RIMS2: variants seen among roughly 807,000 people sequenced by gnomAD.
RIMS2 encodes the protein regulating synaptic membrane exocytosis 2, also known as regulating synaptic membrane exocytosis protein 2.
RIMS2 carries 59 observed loss-of-function variants against 174.4 expected under a neutral mutation model. The ratio of observed to expected loss-of-function variants is 0.34; its 90% confidence interval spans 0.27 to 0.42. The LOEUF is 0.42. Among genes scored for constraint, RIMS2 ranks in the 10% least tolerant of loss-of-function variants. The pLI, the probability that RIMS2 is intolerant of heterozygous loss-of-function variation, is 1.00. For synonymous variants in RIMS2, 606 were observed against 572.5 expected (o/e 1.06, Z -0.84); for missense variants, 1,620 against 1,666.3 (o/e 0.97, Z 0.48).
At chr8:104,173,076 A>G (rs56408627) in intron 19 of RIMS2, among the ~76,000 whole-genome samples, 4,316 of 152,292 alleles carry the variant, frequency 0.028, 193 homozygotes, top group African/African-American at 0.092. Context: ...GTCTCTGCAT[A>G]AAATTACAAT....
At chr8:103,869,671 C>T (rs776126850) in intron 3 of RIMS2, among the ~76,000 whole-genome samples, 9 of 152,104 alleles carry the variant, frequency 5.9e-5, no homozygotes, top group Non-Finnish European at 1.2e-4. Flanking sequence ...CGAGGCAGGA[C>T]ACAAACCTTG....
chr8:103,915,202 A>G (rs2076430871), intron 6 of RIMS2, among the ~76,000 whole-genome samples: 1 of 152,090 alleles, frequency 6.6e-6, no homozygotes, highest in South Asian at 2.1e-4. Flanking sequence ...TGACAAAAGC[A>G]AGAATTCCTG....
At chr8:103,889,216 G>T (rs1187084271) in intron 4 of RIMS2, among the ~76,000 whole-genome samples, 1 of 151,702 alleles carries the variant, frequency 6.6e-6, no homozygotes, top group Non-Finnish European at 1.5e-5. Context: ...AATAGTTAAA[G>T]AAATTTTGTT....
chr8:103,734,655 T>C (rs2097661310), intron 2 of RIMS2, among the ~76,000 whole-genome samples: 2 of 151,988 alleles, frequency 1.3e-5, no homozygotes, highest in African/African-American at 2.4e-5. Flanking sequence ...TGACAGAGTA[T>C]CTTTTTTAAC....
intron 1 of RIMS2, among the ~76,000 whole-genome samples, chr8:103,547,861 C>G (rs1307698972): frequency 6.6e-6 from 1 of 151,974 alleles, no homozygotes; most frequent in Admixed American, 6.6e-5. Context: ...ACTAAAAAAC[C>G]TTCAGAAACT....
At chr8:103,628,798 T>C (rs2095847283) in intron 1 of RIMS2, among the ~76,000 whole-genome samples, 1 of 143,060 alleles carries the variant, frequency 7.0e-6, no homozygotes, top group Non-Finnish European at 1.5e-5. Flanking sequence ...CTGCTGTCTC[T>C]AGCTAAAGGA....
At chr8:103,566,498 A>C in intron 1 of RIMS2, among the ~76,000 whole-genome samples, 1 of 150,338 alleles carries the variant, frequency 6.7e-6, no homozygotes, top group East Asian at 1.9e-4. Flanking sequence ...AGTGTATAAC[A>C]TGTGTACTCT....
chr8:103,569,246 T>C (rs1012018452), intron 1 of RIMS2, among the ~76,000 whole-genome samples: 1 of 152,206 alleles, frequency 6.6e-6, no homozygotes, highest in Non-Finnish European at 1.5e-5. Context: ...CATTCTCTTG[T>C]ATATGGATAA....
intron 19 of RIMS2, among the ~76,000 whole-genome samples, chr8:104,229,208 T>C (rs936947047): frequency 1.3e-5 from 2 of 152,206 alleles, no homozygotes; most frequent in Non-Finnish European, 2.9e-5. Context: ...AATAACAGCA[T>C]CCCATTTCTT....
chr8:104,231,225 C>T (rs2139250299), intron 19 of RIMS2, among the ~76,000 whole-genome samples: 1 of 152,258 alleles, frequency 6.6e-6, no homozygotes, highest in African/African-American at 2.4e-5. Context: ...ATCACTGCTC[C>T]TGTATCAGTT....
intron 19 of RIMS2, among the ~76,000 whole-genome samples, chr8:104,092,112 T>G (rs2097670250): frequency 1.3e-5 from 2 of 151,762 alleles, no homozygotes; most frequent in Admixed American, 6.6e-5. Flanking sequence ...ATCTAGATAC[T>G]GAGAGGTTTT....
At chr8:104,002,172 T>A (rs931816640) in intron 17 of RIMS2, among the ~76,000 whole-genome samples, 1 of 152,094 alleles carries the variant, frequency 6.6e-6, no homozygotes, top group Non-Finnish European at 1.5e-5. Context: ...TTGGACTCCA[T>A]GATTGCACAC....
At chr8:103,733,017 T>C (rs543503994) in intron 2 of RIMS2, among the ~76,000 whole-genome samples, 1 of 152,226 alleles carries the variant, frequency 6.6e-6, no homozygotes, top group South Asian at 2.1e-4. Context: ...TTAACCACCA[T>C]AGGCTGCAAT....
intron 1 of RIMS2, among the ~76,000 whole-genome samples, chr8:103,594,953 A>T (rs1028523537): frequency 6.6e-6 from 1 of 151,808 alleles, no homozygotes; most frequent in East Asian, 1.9e-4. Flanking sequence ...ATTCATTCTG[A>T]GGTAAATTTT....
At chr8:103,886,926 A>G (rs189425192) in intron 4 of RIMS2, among the ~76,000 whole-genome samples, 13 of 151,934 alleles carry the variant, frequency 8.6e-5, no homozygotes, top group Admixed American at 5.9e-4. Context: ...AAAAATTATA[A>G]TGGTTATCTT....
At chr8:104,049,077 G>C (rs2096740740) in intron 19 of RIMS2, among the ~76,000 whole-genome samples, 1 of 149,510 alleles carries the variant, frequency 6.7e-6, no homozygotes, top group Non-Finnish European at 1.5e-5. Context: ...CACTTCATGT[G>C]TTCATCTGTG....
chr8:104,098,122 T>C (rs1196767615), intron 19 of RIMS2, among the ~76,000 whole-genome samples: 2 of 152,188 alleles, frequency 1.3e-5, no homozygotes, highest in East Asian at 3.8e-4. Flanking sequence ...AATGTAAAAG[T>C]AGAAATGAAT....
At chr8:104,112,477 TAC>T (rs752657202) in intron 19 of RIMS2, among the ~76,000 whole-genome samples, 111 of 152,276 alleles carry the variant, frequency 7.3e-4, no homozygotes, top group Middle Eastern at 6.8e-3. Flanking sequence ...TATACATACA[TAC>T]ATGATATATG....
intron 19 of RIMS2, among the ~76,000 whole-genome samples, chr8:104,090,715 G>C (rs1026557356): frequency 6.6e-6 from 1 of 151,832 alleles, no homozygotes; most frequent in African/African-American, 2.4e-5. Flanking sequence ...GATGAACCTG[G>C]CCAAATGGGG....
Sources: gnomAD v4.1 joint callset for allele counts (sites outside exome capture counted in the v4.1 genomes callset) on GRCh38, gnomAD v4.1.1 for gene constraint, MANE v1.5 for transcripts, NCBI Gene and HGNC (gene_info 2026-07-23, HGNC 2026-07-21) for gene names.